WWTR1: variants seen among roughly 807,000 people sequenced by gnomAD.
WWTR1 encodes WW domain containing transcription regulator 1, also known as WW domain-containing transcription regulator protein 1.
WWTR1 carries 13 observed loss-of-function variants against 40.1 expected under a neutral mutation model. The ratio of observed to expected loss-of-function variants is 0.32; its 90% CI spans 0.21 to 0.52. The LOEUF is 0.52. Ranked by LOEUF, WWTR1 falls within the 20% of genes least tolerant of loss-of-function variation. The pLI is 0.97. For missense variants in WWTR1, 436 were observed against 523.1 expected, an observed-to-expected ratio of 0.83 and a Z score of 1.63; for synonymous variants, 230 against 210.1, an observed-to-expected ratio of 1.09 and a Z score of -0.82.
At chr3:149,558,432 A>AT (rs1008691451) in intron 3 of WWTR1, among the ~76,000 whole-genome samples, 1 of 152,168 alleles carries the variant, frequency 6.6e-6, no homozygotes, top group Non-Finnish European at 1.5e-5. Context: ...TTTAGGCCAT[A>AT]CCTTATAGAG....
chr3:149,644,203 C>T (rs954771523), intron 2 of WWTR1, among the ~76,000 whole-genome samples: 4 of 152,182 alleles, frequency 2.6e-5, no homozygotes, highest in African/African-American at 9.7e-5. Context: ...GCTTTACTCG[C>T]TGCCTTTATC....
intron 1 of WWTR1, among the ~76,000 whole-genome samples, chr3:149,671,847 A>AT (rs796315928): frequency 6.6e-6 from 1 of 151,958 alleles, no homozygotes; most frequent in Non-Finnish European, 1.5e-5. Flanking sequence ...AATGTTTGTA[A>AT]TTTTTTTATT....
upstream of WWTR1, among the ~76,000 whole-genome samples, chr3:149,705,949 T>C (rs1479956079): frequency 6.6e-6 from 1 of 152,150 alleles, no homozygotes; most frequent in African/African-American, 2.4e-5. Flanking sequence ...CCCAGCACTG[T>C]GGGAGGCCAA....
intron 3 of WWTR1, among the ~76,000 whole-genome samples, chr3:149,569,398 C>T (rs1362589757): frequency 1.3e-5 from 2 of 152,060 alleles, no homozygotes; most frequent in African/African-American, 2.4e-5. Flanking sequence ...TATATAAACT[C>T]GTAAGTTCCT....
At chr3:149,595,968 G>A (rs756104567) in intron 2 of WWTR1, among the ~76,000 whole-genome samples, 1 of 152,018 alleles carries the variant, frequency 6.6e-6, no homozygotes, top group Non-Finnish European at 1.5e-5. Context: ...GGGAGGTGGA[G>A]GTTGCAGTGA....
upstream of WWTR1, among the ~76,000 whole-genome samples, chr3:149,706,238 T>C (rs1426579753): frequency 4.6e-5 from 7 of 152,160 alleles, no homozygotes; most frequent in Non-Finnish European, 8.8e-5. Flanking sequence ...AGAAAAAGAA[T>C]GTTCACATGT....
intron 1 of WWTR1, among the ~76,000 whole-genome samples, chr3:149,680,645 G>A (rs1714429777): frequency 6.6e-6 from 1 of 151,322 alleles, no homozygotes; most frequent in Non-Finnish European, 1.5e-5. Flanking sequence ...ACCAGCCTAG[G>A]CAACATAGAG....
rs376257486 is a variant in WWTR1 at position 149,631,391 on chromosome 3, CA to C, written c.431+25484del. On this transcript the variant is annotated intron_variant, in intron 2 of 6. Coordinates refer to ENST00000360632, the MANE Select transcript of WWTR1 (RefSeq NM_015472.6). ...GTTCCTTGATTCTTAATGACATTAG[CA>C]AAATCAGTTCTGAAACACCACTCTC... Among the ~76,000 whole-genome samples the C allele has an allele frequency of 2.5e-4, 38 of 152,238 alleles. No individual in the cohort carries two copies. In the East Asian group the frequency reaches 6.8e-3, roughly 27 times the overall value.
At chr3:149,643,391 C>T (rs1193324605) in intron 2 of WWTR1, among the ~76,000 whole-genome samples, 4 of 152,078 alleles carry the variant, frequency 2.6e-5, no homozygotes, top group Non-Finnish European at 4.4e-5. Flanking sequence ...CAAATTGTGA[C>T]GAAGATTTTA....
chr3:149,556,406 C>T (rs749788858), intron 3 of WWTR1, among the ~76,000 whole-genome samples: 4 of 152,148 alleles, frequency 2.6e-5, no homozygotes, highest in Non-Finnish European at 4.4e-5. Flanking sequence ...TAGTGAAACC[C>T]CGTCTCTACT....
intron 2 of WWTR1, among the ~76,000 whole-genome samples, chr3:149,637,532 A>G (rs1052963764): frequency 1.3e-5 from 2 of 152,058 alleles, no homozygotes; most frequent in African/African-American, 4.8e-5. Flanking sequence ...TGCCCGGCCC[A>G]TATTCAGTAT....
At chr3:149,593,704 GT>G (rs1738841849) in intron 2 of WWTR1, among the ~76,000 whole-genome samples, 1 of 152,152 alleles carries the variant, frequency 6.6e-6, no homozygotes, top group Non-Finnish European at 1.5e-5. Flanking sequence ...AACCTTTAGT[GT>G]TTTGGATGAA....
intron 2 of WWTR1, among the ~76,000 whole-genome samples, chr3:149,579,011 T>C (rs928860266): frequency 1.3e-5 from 2 of 152,182 alleles, no homozygotes; most frequent in Non-Finnish European, 2.9e-5. Flanking sequence ...CTTTCTGAAA[T>C]AGAGAATCCC....
At chr3:149,522,289 T>A (rs531326121) in intron 6 of WWTR1, among the ~76,000 whole-genome samples, 1 of 152,212 alleles carries the variant, frequency 6.6e-6, no homozygotes, top group South Asian at 2.1e-4. Flanking sequence ...ACTTTAGCAA[T>A]CTGTGTTTTC....
At chr3:149,636,760 C>T (rs1166388062) in intron 2 of WWTR1, among the ~76,000 whole-genome samples, 2 of 151,558 alleles carry the variant, frequency 1.3e-5, no homozygotes, top group Non-Finnish European at 2.9e-5. Context: ...TTAAATGAAT[C>T]CCTACTATGC....
At chr3:149,540,254 A>G (rs1736032657) in intron 4 of WWTR1, 1 of 456,708 alleles carries the variant, frequency 2.2e-6, no homozygotes, top group Non-Finnish European at 4.4e-6. Flanking sequence ...ACAGCCTCCA[A>G]GGATCAGCAT....
At chr3:149,590,590 G>A (rs1306466821) in intron 2 of WWTR1, among the ~76,000 whole-genome samples, 3 of 152,176 alleles carry the variant, frequency 2.0e-5, no homozygotes, top group African/African-American at 7.2e-5. Context: ...AGGTTGCAGC[G>A]AGCCGAGATC....
intron 2 of WWTR1, among the ~76,000 whole-genome samples, chr3:149,664,442 A>T (rs554021492): frequency 6.6e-6 from 1 of 152,286 alleles, no homozygotes; most frequent in East Asian, 1.9e-4. Context: ...ATATGCAAAT[A>T]CCTAAATAAA....
intron 2 of WWTR1, among the ~76,000 whole-genome samples, chr3:149,615,032 C>T (rs185420381): frequency 2.8e-4 from 42 of 152,074 alleles, no homozygotes; most frequent in African/African-American, 9.6e-4. Flanking sequence ...GTACATTATA[C>T]TAGTCTACTA....
Sources: gnomAD v4.1 joint callset for allele counts (sites outside exome capture counted in the v4.1 genomes callset) on GRCh38, gnomAD v4.1.1 for gene constraint, MANE v1.5 for transcripts, NCBI Gene and HGNC (gene_info 2026-07-23, HGNC 2026-07-21) for gene names.